KCNH5: variants seen among roughly 807,000 people sequenced by gnomAD.
KCNH5 encodes potassium voltage-gated channel subfamily H member 5.
A neutral mutation model predicts 96.1 loss-of-function variants in KCNH5; 46 were observed. The observed-to-expected ratio is 0.48, with a 90% confidence interval of 0.38 to 0.61. The LOEUF (loss-of-function observed/expected upper bound fraction) is 0.61. Among genes scored for constraint, KCNH5 ranks in the 20% least tolerant of loss-of-function variants. The pLI is 0.00. For missense variants in KCNH5, 907 were observed against 1,225.8 expected (o/e 0.74, Z 3.88); for synonymous variants, 439 against 449.8 (o/e 0.98, Z 0.30).
chr14:62,786,592 C>G (rs1886325485), intron 9 of KCNH5, among the ~76,000 whole-genome samples: 1 of 152,040 alleles, frequency 6.6e-6, no homozygotes, highest in African/African-American at 2.4e-5. Flanking sequence ...CAGGCATAAT[C>G]CTCATTTTAT....
rs573054955 is a variant in KCNH5 at position 62,858,300 on chromosome 14, T to TTCATTCCTG, written c.1370-8457_1370-8449dup. 4.3e-4 allele frequency among the ~76,000 whole-genome samples: 66 copies of TTCATTCCTG among 152,306 alleles called. 3 individuals are homozygous for TTCATTCCTG. In the East Asian group the frequency reaches 0.012, roughly 28 times the overall value. ...TTTTCCTGGTGGAGTGACCCAAACC[T>TTCATTCCTG]TCATTCCTGAAGAGTCTGAGTCATT... On this transcript the variant is annotated intron_variant, in intron 7 of 10. Coordinates refer to ENST00000322893, the MANE Select transcript of KCNH5 (RefSeq NM_139318.5).
intron 7 of KCNH5, among the ~76,000 whole-genome samples, chr14:62,871,651 G>T (rs1888256758): frequency 6.6e-6 from 1 of 152,072 alleles, no homozygotes; most frequent in Non-Finnish European, 1.5e-5. Context: ...TGAATAGAAA[G>T]CCCTAAGCAT....
chr14:62,990,246 A>G (rs2139578521), intron 4 of KCNH5, among the ~76,000 whole-genome samples: 1 of 152,214 alleles, frequency 6.6e-6, no homozygotes, highest in Admixed American at 6.6e-5. Flanking sequence ...AGTGTGAGAA[A>G]GGAGAAATAT....
chr14:62,839,014 C>A (rs954822822), intron 8 of KCNH5, among the ~76,000 whole-genome samples: 14 of 152,056 alleles, frequency 9.2e-5, no homozygotes, highest in Admixed American at 2.0e-4. Flanking sequence ...ATGTACATAA[C>A]CTTGGACTTG....
chr14:63,004,158 T>C (rs3910330), intron 3 of KCNH5, among the ~76,000 whole-genome samples: 151,237 of 152,356 alleles, frequency 0.99, 75,072 homozygotes, highest in Middle Eastern at 1. Context: ...TTTCTGCAGA[T>C]GTGAATTTTT....
chr14:62,810,789 G>A (rs746285082), intron 8 of KCNH5, among the ~76,000 whole-genome samples: 13 of 152,132 alleles, frequency 8.5e-5, no homozygotes, highest in Non-Finnish European at 5.9e-5. Context: ...GCTGCTTTGT[G>A]TATGGAGTAG....
At chr14:63,043,185 A>G (rs910197899) in intron 1 of KCNH5, among the ~76,000 whole-genome samples, 8 of 152,276 alleles carry the variant, frequency 5.3e-5, no homozygotes, top group Non-Finnish European at 1.0e-4. Context: ...TCAAAAAACT[A>G]TCTCATAGTT....
At chr14:62,963,662 C>A (rs1890254343) in intron 6 of KCNH5, among the ~76,000 whole-genome samples, 1 of 152,090 alleles carries the variant, frequency 6.6e-6, no homozygotes, top group African/African-American at 2.4e-5. Flanking sequence ...GGATAATGCC[C>A]ATCCACATTG....
At chr14:63,013,319 A>C (rs1891263854) in intron 2 of KCNH5, among the ~76,000 whole-genome samples, 1 of 152,118 alleles carries the variant, frequency 6.6e-6, no homozygotes, top group African/African-American at 2.4e-5. Flanking sequence ...AGTTGGATAC[A>C]AAAATGATTC....
At chr14:62,819,452 G>A (rs936386199) in intron 8 of KCNH5, among the ~76,000 whole-genome samples, 4 of 152,158 alleles carry the variant, frequency 2.6e-5, no homozygotes, top group Admixed American at 6.5e-5. Context: ...GTTGTCAGGG[G>A]TGCAGGGGAG....
chr14:62,721,734 T>C (rs1739461495), intron 10 of KCNH5, among the ~76,000 whole-genome samples: 1 of 152,234 alleles, frequency 6.6e-6, no homozygotes, highest in Non-Finnish European at 1.5e-5. Flanking sequence ...CATCACCTCT[T>C]TCATTTAGTG....
intron 7 of KCNH5, among the ~76,000 whole-genome samples, chr14:62,936,770 G>T (rs886688129): frequency 1.3e-5 from 2 of 151,582 alleles, no homozygotes; most frequent in Admixed American, 6.6e-5. Context: ...GAGGTCAGGA[G>T]TTCAAGACCT....
chr14:62,805,160 T>G (rs964107922), intron 8 of KCNH5, among the ~76,000 whole-genome samples: 1 of 152,192 alleles, frequency 6.6e-6, no homozygotes, highest in African/African-American at 2.4e-5. Context: ...TTGATCCATT[T>G]ACCACATAGG....
At position 62,943,937 on chromosome 14, in the gene KCNH5, T is replaced by TAAGTC. The variant is rs555310095; in HGVS notation, c.1369+6191_1369+6195dup. On this transcript the variant is annotated intron_variant, in intron 7 of 10. Transcript: ENST00000322893. ...TGGGCAAATATAGGAACAAAGGATT[T>TAAGTC]AAGTCTAAGAAATTCCCAGGTAGCA... Among the ~76,000 whole-genome samples, 680 of 152,256 alleles carry TAAGTC rather than the reference T, an allele frequency of 4.5e-3. 5 individuals carry two copies. Among genetic ancestry groups the TAAGTC allele is most frequent in the Non-Finnish European group, 6.4e-3 (435 of 68,022 alleles).
chr14:62,779,691 G>A, intron 10 of KCNH5, 37 bp downstream of exon 10: 1 of 1,538,736 alleles, frequency 6.5e-7, no homozygotes, highest in East Asian at 2.3e-5. Context: ...TTAATACTCT[G>A]GACACTAATA....
intron 7 of KCNH5, among the ~76,000 whole-genome samples, chr14:62,857,844 G>T (rs1261499227): frequency 6.6e-6 from 1 of 152,050 alleles, no homozygotes; most frequent in Non-Finnish European, 1.5e-5. Flanking sequence ...TCTAATCAAG[G>T]TGACACTCAT....
intron 5 of KCNH5, among the ~76,000 whole-genome samples, chr14:62,983,894 G>C: frequency 6.6e-6 from 1 of 152,074 alleles, no homozygotes; most frequent in South Asian, 2.1e-4. Flanking sequence ...TCTAGACAGT[G>C]ATTTGCATAT....
intron 7 of KCNH5, among the ~76,000 whole-genome samples, chr14:62,923,271 G>A (rs1004135365): frequency 2.0e-5 from 3 of 151,816 alleles, no homozygotes; most frequent in Non-Finnish European, 4.4e-5. Context: ...CTATGGAAGT[G>A]AAAAATCTGT....
At chr14:62,865,549 C>G (rs958200391) in intron 7 of KCNH5, among the ~76,000 whole-genome samples, 2 of 152,096 alleles carry the variant, frequency 1.3e-5, no homozygotes, top group Admixed American at 1.3e-4. Context: ...AGTGGCTAAA[C>G]TTAAGTCAGA....
Sources: gnomAD v4.1 joint callset for allele counts (sites outside exome capture counted in the v4.1 genomes callset) on GRCh38, gnomAD v4.1.1 for gene constraint, MANE v1.5 for transcripts, NCBI Gene and HGNC (gene_info 2026-07-23, HGNC 2026-07-21) for gene names.